The following GALNT14 variants were observed in gnomAD, a reference collection of about 807,000 sequenced individuals.
GALNT14 encodes polypeptide N-acetylgalactosaminyltransferase 14.
GALNT14 carries 60 observed loss-of-function variants against 77.5 expected under a neutral mutation model. The ratio of observed to expected loss-of-function variants is 0.77; its 90% CI spans 0.63 to 0.96. The LOEUF (loss-of-function observed/expected upper bound fraction) is 0.96. GALNT14 is among the 40% of genes least tolerant of loss of function. The pLI, the probability that GALNT14 is intolerant of heterozygous loss-of-function variation, is 0.00. For synonymous variants in GALNT14, 280 were observed against 281.7 expected, an observed-to-expected ratio of 0.99 and a Z score of 0.06; for missense variants, 710 against 731.0, an observed-to-expected ratio of 0.97 and a Z score of 0.33.
At position 30,995,195 on chromosome 2, in the gene GALNT14, C is replaced by T. The variant is rs370182820; in HGVS notation, c.130-2188G>A. Among the ~76,000 whole-genome samples the T allele has an allele frequency of 1.3e-3, 199 of 148,278 alleles. 1 individual carries two copies. The South Asian group carries it at 0.019, about 14-fold the overall frequency. On this transcript the variant is annotated intron_variant, in intron 1 of 14. Transcript: ENST00000349752. ...GTGTGTGTTCATGTGCATATGTATACAGCCACATATGCATAACAACATTTC... is the reference window on the plus strand; with the variant it reads ...GTGTGTGTTCATGTGCATATGTATATAGCCACATATGCATAACAACATTTC...
intron 1 of GALNT14, among the ~76,000 whole-genome samples, chr2:31,097,699 C>T (rs1400626564): frequency 6.6e-6 from 1 of 152,110 alleles, no homozygotes; most frequent in Non-Finnish European, 1.5e-5. Flanking sequence ...GTTGTTCACA[C>T]CCAGCAGGCT....
chr2:31,011,789 G>A (rs1573155409), intron 1 of GALNT14, among the ~76,000 whole-genome samples: 1 of 152,198 alleles, frequency 6.6e-6, no homozygotes, highest in African/African-American at 2.4e-5. Flanking sequence ...ACAGTCAGGA[G>A]GCATGCTGTG....
chr2:30,924,892 G>A (rs527379054), intron 11 of GALNT14, 69 bp from the exon 12 acceptor site: 8 of 1,306,090 alleles, frequency 6.1e-6, no homozygotes, highest in African/African-American at 5.8e-5. Flanking sequence ...CGCCAGCAAC[G>A]CCAGTCCAGA....
At position 31,071,863 on chromosome 2, in the gene GALNT14, C is replaced by G. The variant is rs545704282; in HGVS notation, c.129+66095G>C. Among the ~76,000 whole-genome samples the G allele has an allele frequency of 1.1e-4, 17 of 152,294 alleles. No individual in the cohort carries two copies. The South Asian group carries it at 3.5e-3, about 32-fold the overall frequency. ...CTTGCTCAGAAGTCATTAAGAATTT[C>G]AAGACAGCAACAACAGAGCATGAAA... On this transcript the variant is annotated intron_variant, in intron 1 of 14. Transcript: ENST00000349752.
chr2:31,122,562 C>T (rs1678466139), intron 1 of GALNT14, among the ~76,000 whole-genome samples: 1 of 152,202 alleles, frequency 6.6e-6, no homozygotes, highest in African/African-American at 2.4e-5. Flanking sequence ...TAAATGCAGA[C>T]TTTGAATCAG....
chr2:30,957,919 G>C (rs977574611), intron 4 of GALNT14, among the ~76,000 whole-genome samples: 10 of 152,234 alleles, frequency 6.6e-5, no homozygotes, highest in African/African-American at 2.4e-4. Context: ...TTTCAAATTT[G>C]ATGCACAGTG....
At chr2:30,897,110 A>G in the GALNT14 span, among the ~76,000 whole-genome samples, 1 of 152,044 alleles carries the variant, frequency 6.6e-6, no homozygotes, top group Non-Finnish European at 1.5e-5. Flanking sequence ...TCCCAGCTTT[A>G]CCTGCCCCCC....
chr2:31,056,238 C>T (rs1011437637), intron 1 of GALNT14, among the ~76,000 whole-genome samples: 3 of 152,188 alleles, frequency 2.0e-5, no homozygotes, highest in African/African-American at 7.2e-5. Context: ...GTGGGTCCCA[C>T]TTTGAGAAAA....
intron 1 of GALNT14, chr2:31,079,067 C>A: frequency 8.0e-7 from 1 of 1,252,004 alleles, no homozygotes; most frequent in African/African-American, 1.6e-5. Context: ...GTTTTCAATT[C>A]TAGAAAACAT....
At chr2:30,900,961 G>T in the GALNT14 span, among the ~76,000 whole-genome samples, 1 of 152,152 alleles carries the variant, frequency 6.6e-6, no homozygotes, top group Non-Finnish European at 1.5e-5. Flanking sequence ...CATGGAGCAG[G>T]ACTAAAATTT....
At chr2:31,129,415 T>C in intron 1 of GALNT14, 4 of 985,436 alleles carry the variant, frequency 4.1e-6, no homozygotes, top group Non-Finnish European at 4.8e-6. Context: ...ATTAGTAAAG[T>C]CTTTCAGCTA....
rs72856372 is a variant in GALNT14, at chr2:31,137,191, T to G, written c.129+767A>C. On this transcript the variant is annotated intron_variant, in intron 1 of 14. Coordinates refer to ENST00000349752, the MANE Select transcript of GALNT14 (RefSeq NM_024572.4). The stretch of plus-strand genomic sequence containing the variant: ...TTGTCAACTGATTTTCAGTGAACCT[T>G]CGGAGAGCCATGGGGAAGTTTTCCC... Among the ~76,000 whole-genome samples, 1,034 of 152,356 alleles carry G rather than the reference T, an allele frequency of 6.8e-3. 9 individuals carry two copies. Among genetic ancestry groups the G allele is most frequent in the African/African-American group, 0.024 (982 of 41,584 alleles).
chr2:31,124,476 CTTG>C (rs1267413473), intron 1 of GALNT14, among the ~76,000 whole-genome samples: 1 of 152,188 alleles, frequency 6.6e-6, no homozygotes, highest in African/African-American at 2.4e-5. Context: ...TCATGTCACC[CTTG>C]TTGTGTTGGG....
chr2:31,109,812 C>T (rs1209763210), intron 1 of GALNT14, among the ~76,000 whole-genome samples: 1 of 152,126 alleles, frequency 6.6e-6, no homozygotes, highest in Non-Finnish European at 1.5e-5. Flanking sequence ...AGCTACTTAG[C>T]GCGCCAGGAC....
intron 13 of GALNT14, among the ~76,000 whole-genome samples, chr2:30,920,652 C>T (rs1270878112): frequency 6.6e-6 from 1 of 151,272 alleles, no homozygotes; most frequent in Non-Finnish European, 1.5e-5. Context: ...CACACACACA[C>T]ACACACACAC....
chr2:30,977,740 G>A (rs958009382), intron 2 of GALNT14, among the ~76,000 whole-genome samples: 3 of 152,110 alleles, frequency 2.0e-5, no homozygotes, highest in African/African-American at 4.8e-5. Flanking sequence ...ACTCACATCC[G>A]TGCGCCATTC....
chr2:31,038,343 C>T (rs895686404), intron 1 of GALNT14, among the ~76,000 whole-genome samples: 4 of 151,886 alleles, frequency 2.6e-5, no homozygotes, highest in Admixed American at 6.6e-5. Context: ...ATCCACCTGC[C>T]TCAGCCTCCC....
At chr2:30,977,797 T>C (rs1257207533) in intron 2 of GALNT14, among the ~76,000 whole-genome samples, 2 of 152,126 alleles carry the variant, frequency 1.3e-5, no homozygotes, top group Non-Finnish European at 1.5e-5. Context: ...CATACCTTCC[T>C]GCACCTTCGT....
Position 30,949,431 on chromosome 2 carries a change from G to A in GALNT14, c.655-3561C>T, listed in dbSNP as rs74421045. ...CTGAGTTCTCTGTGTGCATGCCCCA[G>A]CAGGATGTATCTTTAAAGCAAGGTC... is the stretch of plus-strand genomic sequence containing the variant. On this transcript the variant is annotated intron_variant, in intron 6 of 14. Coordinates refer to ENST00000349752, the MANE Select transcript of GALNT14 (RefSeq NM_024572.4). Among the ~76,000 whole-genome samples, 1,378 of 152,282 alleles carry A rather than the reference G, an allele frequency of 9.0e-3. 10 individuals carry two copies. The highest frequency in any genetic ancestry group is 0.031 in the Middle Eastern group (9 of 294).
Sources: allele counts gnomAD v4.1 joint callset (sites outside exome capture counted in the v4.1 genomes callset), GRCh38; gene constraint gnomAD v4.1.1; transcripts MANE v1.5; gene names NCBI Gene and HGNC (gene_info 2026-07-23, HGNC 2026-07-21).